FYB2: variants seen among roughly 807,000 people sequenced by gnomAD.
The protein encoded by FYB2 is FYN binding protein 2.
FYB2 carries 103 observed loss-of-function variants against 94.1 expected under a neutral mutation model. That is an observed-to-expected ratio of 1.09 (90% confidence interval 0.93 to 1.29). The LOEUF is 1.29. FYB2 is among the 50% of genes most tolerant of loss of function. The pLI is 0.00. For missense variants in FYB2, 896 were observed against 841.5 expected (o/e 1.06, Z -0.80); for synonymous variants, 293 against 287.9 (o/e 1.02, Z -0.18).
intron 14 of FYB2, among the ~76,000 whole-genome samples, chr1:56,738,344 G>T (rs1569916556): frequency 6.6e-6 from 1 of 152,054 alleles, no homozygotes; most frequent in Non-Finnish European, 1.5e-5. Context: ...CTTAAATATG[G>T]TCCTACAGCT....
At chr1:56,724,183 A>G (rs1644542139) in intron 16 of FYB2, among the ~76,000 whole-genome samples, 1 of 152,036 alleles carries the variant, frequency 6.6e-6, no homozygotes, top group Non-Finnish European at 1.5e-5. Flanking sequence ...GTTAAACCTA[A>G]TTGGGGATCA....
At chr1:56,733,317 C>A (rs1644753717) in intron 15 of FYB2, among the ~76,000 whole-genome samples, 1 of 151,960 alleles carries the variant, frequency 6.6e-6, no homozygotes. Flanking sequence ...TGATTCTTCT[C>A]TATTTTCTTC....
intron 1 of FYB2, among the ~76,000 whole-genome samples, chr1:56,795,208 T>C (rs193155576): frequency 4.0e-4 from 61 of 152,266 alleles, no homozygotes; most frequent in Non-Finnish European, 7.6e-4. Context: ...TTCTAGGTAC[T>C]GTATAAGAGG....
At chr1:56,783,108 T>C (rs575578530) in intron 4 of FYB2, among the ~76,000 whole-genome samples, 7 of 152,330 alleles carry the variant, frequency 4.6e-5, no homozygotes, top group East Asian at 3.9e-4. Context: ...CATTAATATT[T>C]CAGAGGTAAC....
chr1:56,793,161 A>G (rs1056087811), intron 1 of FYB2, among the ~76,000 whole-genome samples: 2 of 152,156 alleles, frequency 1.3e-5, no homozygotes, highest in Non-Finnish European at 2.9e-5. Context: ...AATAAATTCC[A>G]AACTGCTTTA....
upstream of FYB2, chr1:56,819,635 G>A (rs1646965944): frequency 4.3e-6 from 2 of 460,056 alleles, no homozygotes; most frequent in Non-Finnish European, 8.0e-6. Context: ...CACTCTCCAG[G>A]GCATTTGTGC....
In FYB2 at chr1:56,792,095, G is replaced by A. The variant is rs373641680; in HGVS notation, c.718C>T (p.Gln240Ter). The A allele has an allele frequency of 1.2e-6, 2 of 1,608,294 alleles. No individual in the cohort carries two copies. The highest frequency in any genetic ancestry group is 1.3e-5 in the African/African-American group (1 of 74,564). The change falls in exon 2 of 20, where the codon CAG (glutamine) becomes TAG (stop). Residue 240 changes from glutamine to a stop codon, truncating the protein, a stop_gained. Transcript: ENST00000343433. LOFTEE classifies it high-confidence loss of function. ...PERSPASSPC[Q>*]PIYECELASQ... ...GCAAGCTCACACTCATAGATGGGCT[G>A]GCAGGGGCTGCTTGCCGGGCTCCTC...
At chr1:56,780,280 T>C (rs1041388617) in intron 4 of FYB2, among the ~76,000 whole-genome samples, 4 of 152,110 alleles carry the variant, frequency 2.6e-5, no homozygotes, top group Non-Finnish European at 5.9e-5. Context: ...TCCAAAACCT[T>C]TCATATTTTA....
At chr1:56,825,825 G>T in the FYB2 span, among the ~76,000 whole-genome samples, 1 of 152,184 alleles carries the variant, frequency 6.6e-6, no homozygotes, top group Non-Finnish European at 1.5e-5. Flanking sequence ...ACTACCTGCT[G>T]CATTTCTCCC....
chr1:56,813,507 A>T (rs913689763), intron 1 of FYB2, among the ~76,000 whole-genome samples: 1 of 152,182 alleles, frequency 6.6e-6, no homozygotes, highest in East Asian at 1.9e-4. Flanking sequence ...CCCATGAAAC[A>T]TGAGGATTAT....
At chr1:56,776,763 A>G (rs142519009) in intron 4 of FYB2, among the ~76,000 whole-genome samples, 2 of 152,286 alleles carry the variant, frequency 1.3e-5, no homozygotes, top group African/African-American at 4.8e-5. Flanking sequence ...TCTGCCACCT[A>G]CAGCATTCGA....
intron 5 of FYB2, among the ~76,000 whole-genome samples, chr1:56,764,855 T>C (rs1044550188): frequency 2.0e-5 from 3 of 152,184 alleles, no homozygotes; most frequent in Non-Finnish European, 4.4e-5. Context: ...AGATTCCTGG[T>C]TCATAGACAG....
At chr1:56,762,548 T>C (rs1341686852) in intron 5 of FYB2, among the ~76,000 whole-genome samples, 2 of 152,332 alleles carry the variant, frequency 1.3e-5, no homozygotes, top group Admixed American at 6.5e-5. Flanking sequence ...TATACAGAAA[T>C]ATAATTGATT....
At chr1:56,812,917 CTATG>C (rs1646799586) in intron 1 of FYB2, among the ~76,000 whole-genome samples, 2 of 152,222 alleles carry the variant, frequency 1.3e-5, no homozygotes, top group African/African-American at 4.8e-5. Context: ...GTACCACAGA[CTATG>C]TGGCTTCAAC....
At chr1:56,822,887 C>T (rs916869723), upstream of FYB2, among the ~76,000 whole-genome samples, 1 of 151,842 alleles carries the variant, frequency 6.6e-6, no homozygotes, top group African/African-American at 2.4e-5. Context: ...CAGAGTTAGG[C>T]TGGTGCTGCT....
chr1:56,743,134 A>G (rs906286458), intron 11 of FYB2, among the ~76,000 whole-genome samples: 2 of 151,998 alleles, frequency 1.3e-5, no homozygotes, highest in African/African-American at 2.4e-5. Flanking sequence ...AACTATAATC[A>G]CTGTTGTACT....
chr1:56,767,703 A>G lies in FYB2; in HGVS notation c.1063+126T>C, dbSNP rs1247385463. 4 of 712,560 alleles carry G rather than the reference A, an allele frequency of 5.6e-6. No individual in the cohort carries two copies. In the Admixed American group the frequency reaches 1.3e-4, roughly 23 times the overall value. The allele number at this position is 712,560 out of a possible 1,614,324, so 44.1% of individuals were successfully genotyped here. On this transcript the variant is annotated intron_variant, in intron 5 of 19. Transcript: ENST00000343433. ...AGACACAGAAAAAAAAAAGAAAAAG[A>G]AATAAGATGGTTGTGCAGGATGGCT...
chr1:56,742,270 T>C (rs1237533428), intron 11 of FYB2, 49 bp from the exon 12 acceptor site: 6 of 1,385,118 alleles, frequency 4.3e-6, no homozygotes, highest in Non-Finnish European at 5.0e-6. Context: ...TAGCAATAGT[T>C]CAGATTCATA....
chr1:56,774,381 C>T (rs1645828246), intron 4 of FYB2, among the ~76,000 whole-genome samples: 1 of 152,064 alleles, frequency 6.6e-6, no homozygotes, highest in Non-Finnish European at 1.5e-5. Flanking sequence ...AAAGCGTTTG[C>T]TACTTCTGCT....
Sources: allele counts gnomAD v4.1 joint callset (sites outside exome capture counted in the v4.1 genomes callset), GRCh38; gene constraint gnomAD v4.1.1; transcripts MANE v1.5; gene names NCBI Gene and HGNC (gene_info 2026-07-23, HGNC 2026-07-21).